Variants in ACER3 observed in about 807,000 individuals in gnomAD.
The protein encoded by ACER3 is alkaline ceramidase 3.
A neutral mutation model predicts 48.9 loss-of-function variants in ACER3; 16 were observed. The ratio of observed to expected loss-of-function variants is 0.33; its 90% CI spans 0.22 to 0.50. ACER3 has a LOEUF of 0.50. ACER3 is among the 20% of genes least tolerant of loss of function. The probability of loss-of-function intolerance (pLI) is 0.98; values close to 1 mark genes in which losing one functional copy is unlikely to be tolerated. For missense variants in ACER3, 227 were observed against 326.0 expected, an observed-to-expected ratio of 0.70 and a Z score of 2.34; for synonymous variants, 109 against 107.8, an observed-to-expected ratio of 1.01 and a Z score of -0.07.
At chr11:77,001,556 C>G (rs1555019832) in intron 7 of ACER3, among the ~76,000 whole-genome samples, 1 of 152,076 alleles carries the variant, frequency 6.6e-6, no homozygotes, top group Non-Finnish European at 1.5e-5. Context: ...ACGCTCGGCC[C>G]TGTAGATTTG....
At chr11:76,914,291 T>C (rs1005903584) in intron 1 of ACER3, among the ~76,000 whole-genome samples, 14 of 152,204 alleles carry the variant, frequency 9.2e-5, no homozygotes, top group Admixed American at 9.2e-4. Context: ...ATTTTTGCAG[T>C]CTACTCATCT....
chr11:76,889,953 C>T (rs1204386505), intron 1 of ACER3, among the ~76,000 whole-genome samples: 3 of 151,946 alleles, frequency 2.0e-5, no homozygotes, highest in Non-Finnish European at 2.9e-5. Flanking sequence ...AACAATATTT[C>T]GTATTCAATA....
At chr11:76,926,694 A>G in intron 2 of ACER3, 27 bp downstream of exon 2, 1 of 1,412,138 alleles carries the variant, frequency 7.1e-7, no homozygotes, top group South Asian at 1.2e-5. Flanking sequence ...ATCTGAAGAA[A>G]TGTACAGTAT....
At chr11:76,919,043 A>G (rs1400591609) in intron 1 of ACER3, among the ~76,000 whole-genome samples, 2 of 152,342 alleles carry the variant, frequency 1.3e-5, no homozygotes, top group East Asian at 3.9e-4. Flanking sequence ...GCTTTCATCA[A>G]GCTAATTTGC....
chr11:76,879,865 A>ATT (rs3047837), intron 1 of ACER3, among the ~76,000 whole-genome samples: 7,834 of 151,830 alleles, frequency 0.052, 642 homozygotes, highest in African/African-American at 0.18. Flanking sequence ...TTCATAAGAG[A>ATT]TTTTTTTTGA....
At chr11:76,863,069 T>TA (rs1944983489) in intron 1 of ACER3, among the ~76,000 whole-genome samples, 2 of 151,690 alleles carry the variant, frequency 1.3e-5, no homozygotes, top group African/African-American at 2.4e-5. Flanking sequence ...CCATAAAAAA[T>TA]AAAAAAAATT....
In ACER3 at chr11:76,885,168, A is replaced by G. The variant is rs181200647; in HGVS notation, c.103+24089A>G. ...TTACTTACAACCTTTCTGCATTCTTATATGTTATTTGCATGTACTATATGC... is the reference window on the plus strand; with the variant it reads ...TTACTTACAACCTTTCTGCATTCTTGTATGTTATTTGCATGTACTATATGC... On this transcript the variant is annotated intron_variant, in intron 1 of 10. Transcript: ENST00000532485. Among the ~76,000 whole-genome samples, 221 of 152,208 alleles carry G rather than the reference A, an allele frequency of 1.5e-3. 2 individuals are homozygous for G. Among genetic ancestry groups the G allele is most frequent in the African/African-American group, 5.0e-3 (208 of 41,536 alleles).
At chr11:76,872,331 CT>C (rs1350708015) in intron 1 of ACER3, among the ~76,000 whole-genome samples, 2 of 152,110 alleles carry the variant, frequency 1.3e-5, no homozygotes, top group Admixed American at 1.3e-4. Flanking sequence ...CTGCCTTGGG[CT>C]CTCAAAGTGC....
chr11:76,997,556 G>A (rs1363223001), intron 6 of ACER3, among the ~76,000 whole-genome samples: 4 of 152,190 alleles, frequency 2.6e-5, no homozygotes, highest in Admixed American at 2.6e-4. Context: ...TATAGCAGAT[G>A]TAGCCTCTTC....
At chr11:76,887,843 G>A (rs1945710509) in intron 1 of ACER3, among the ~76,000 whole-genome samples, 1 of 136,680 alleles carries the variant, frequency 7.3e-6, no homozygotes, top group Non-Finnish European at 1.5e-5. Flanking sequence ...TTTGGAGATA[G>A]GGCCTCACTC....
intron 1 of ACER3, among the ~76,000 whole-genome samples, chr11:76,906,055 A>G (rs1368866414): frequency 2.0e-5 from 3 of 152,222 alleles, no homozygotes. Flanking sequence ...TTCTAGCCTC[A>G]CAGGCTGGCT....
chr11:76,965,130 T>G (rs945660269), intron 3 of ACER3, among the ~76,000 whole-genome samples: 1 of 151,174 alleles, frequency 6.6e-6, no homozygotes, highest in Admixed American at 6.6e-5. Flanking sequence ...CTGATGGAGC[T>G]GAAAACCACG....
chr11:77,001,483 C>T (rs768923223), intron 7 of ACER3, among the ~76,000 whole-genome samples: 96 of 152,270 alleles, frequency 6.3e-4, no homozygotes, highest in Non-Finnish European at 1.1e-3. Flanking sequence ...GTTTCAAACT[C>T]CTGACCATGT....
At chr11:76,991,836 A>G (rs1948810681) in intron 6 of ACER3, among the ~76,000 whole-genome samples, 1 of 150,856 alleles carries the variant, frequency 6.6e-6, no homozygotes, top group Admixed American at 6.6e-5. Flanking sequence ...AAAAAAAGAA[A>G]GAAAAGAAAA....
intron 2 of ACER3, among the ~76,000 whole-genome samples, chr11:76,930,275 G>A (rs1435209741): frequency 6.6e-6 from 1 of 152,170 alleles, no homozygotes; most frequent in Non-Finnish European, 1.5e-5. Context: ...AATATTCTGT[G>A]ATGGTAGTTT....
At chr11:76,937,168 A>G (rs1029226680) in intron 2 of ACER3, among the ~76,000 whole-genome samples, 3 of 152,188 alleles carry the variant, frequency 2.0e-5, no homozygotes, top group Non-Finnish European at 4.4e-5. Flanking sequence ...GCAAATGAAA[A>G]CTACACTGAT....
At chr11:76,946,383 C>T (rs923226136) in intron 2 of ACER3, among the ~76,000 whole-genome samples, 3 of 152,214 alleles carry the variant, frequency 2.0e-5, no homozygotes, top group Admixed American at 2.0e-4. Context: ...AGTTTCACAG[C>T]AGTCTGTAGC....
At chr11:76,998,881 T>C (rs1948970648) in intron 7 of ACER3, 60 bp downstream of exon 7, 1 of 1,325,444 alleles carries the variant, frequency 7.5e-7, no homozygotes, top group African/African-American at 1.5e-5. Flanking sequence ...TAACAGTAAA[T>C]CTATAGCCTA....
chr11:76,920,254 T>A (rs10899314), intron 1 of ACER3, among the ~76,000 whole-genome samples: 60,808 of 152,070 alleles, frequency 0.4, 14,889 homozygotes, highest in Non-Finnish European at 0.56. Flanking sequence ...CAGCACCTAG[T>A]GGTCAGTAGC....
Sources: allele counts gnomAD v4.1 joint callset (sites outside exome capture counted in the v4.1 genomes callset), GRCh38; gene constraint gnomAD v4.1.1; transcripts MANE v1.5; gene names NCBI Gene and HGNC (gene_info 2026-07-23, HGNC 2026-07-21).